Variants in APC observed in about 807,000 individuals in gnomAD.
APC encodes adenomatous polyposis coli protein.
APC carries 72 observed loss-of-function variants against 247.0 expected under a neutral mutation model. The ratio of observed to expected loss-of-function variants is 0.29; its 90% confidence interval spans 0.24 to 0.35. The LOEUF is 0.35. APC is among the 10% of genes least tolerant of loss of function. APC has a pLI of 1.00. For synonymous variants in APC, 1,254 were observed against 1,162.5 expected (o/e 1.08, Z -1.60); for missense variants, 3,400 against 3,360.7 (o/e 1.01, Z -0.29).
At chr5:112,768,585 A>G (rs73218111) in intron 4 of APC, among the ~76,000 whole-genome samples, 4,091 of 151,360 alleles carry the variant, frequency 0.027, 219 homozygotes, top group African/African-American at 0.094. Context: ...GTTTCTACAC[A>G]TATAATTTAT....
In APC at chr5:112,831,840, T is replaced by C. The variant is rs139681726; in HGVS notation, c.1743+2868T>C. ...TGTGGCTTCTATTACAGTGTTTCTC[T>C]TTTCCAGTAACAACCAAAACCCTGA... On this transcript the variant is annotated intron_variant, in intron 14 of 15. Coordinates refer to ENST00000257430, the MANE Select transcript of APC (RefSeq NM_000038.6). Among the ~76,000 whole-genome samples the C allele has an allele frequency of 8.2e-3, 1,248 of 152,354 alleles. 19 individuals are homozygous for C. Among genetic ancestry groups the C allele is most frequent in the African/African-American group, 0.028 (1,185 of 41,580 alleles).
intron 7 of APC, among the ~76,000 whole-genome samples, chr5:112,797,281 GGTTT>G (rs1336179303): frequency 6.6e-6 from 1 of 152,084 alleles, no homozygotes; most frequent in Admixed American, 6.6e-5. Context: ...TGCCGTTTGT[GGTTT>G]GTTTATTGCA....
At chr5:112,766,242 G>A (rs573838117) in intron 2 of APC, 84 bp from the exon 3 acceptor site, 3 of 983,520 alleles carry the variant, frequency 3.1e-6, no homozygotes, top group South Asian at 2.6e-5. Flanking sequence ...TTTTTTCTCA[G>A]CATACTTAAA....
intron 6 of APC, among the ~76,000 whole-genome samples, chr5:112,782,624 C>T (rs1758472839): frequency 1.3e-5 from 2 of 152,178 alleles, no homozygotes; most frequent in Admixed American, 1.3e-4. Flanking sequence ...TTGCCCCTAT[C>T]CCAGTCAGAA....
intron 1 of APC, among the ~76,000 whole-genome samples, chr5:112,750,267 G>A (rs1222765265): frequency 6.6e-6 from 1 of 152,042 alleles, no homozygotes; most frequent in Non-Finnish European, 1.5e-5. Context: ...CCTGGCCAAT[G>A]CTTTGCTTTT....
At chr5:112,783,742 A>G in intron 6 of APC, 1 of 321,288 alleles carries the variant, frequency 3.1e-6, no homozygotes, top group South Asian at 2.5e-5. Flanking sequence ...GGCTGCAGTG[A>G]GCTACAATCT....
In APC at chr5:112,840,301, T is replaced by C. The variant is rs2149921724; in HGVS notation, c.4707T>C (p.Asp1569=). ...SEKDLLDDSD[D]DDIEILEECI... ...AGGACCTATTAGATGATTCAGATGA[T>C]GATGATATTGAAATACTAGAAGAAT... Residue 1569 remains aspartate (D), a synonymous_variant, in exon 16 of 16, where the codon GAT becomes GAC. Coordinates refer to ENST00000257430, the MANE Select transcript of APC (RefSeq NM_000038.6). The surrounding 1 kb of genome is among the most constrained non-coding windows in gnomAD (Gnocchi z 4.1). 1 of 1,614,154 alleles carries C rather than the reference T, an allele frequency of 6.2e-7. No homozygotes were observed. Among genetic ancestry groups the C allele is most frequent in the Non-Finnish European group, 8.5e-7 (1 of 1,180,000 alleles).
intron 15 of APC, among the ~76,000 whole-genome samples, chr5:112,835,545 AATG>A (rs1764796037): frequency 1.3e-5 from 2 of 151,614 alleles, no homozygotes; most frequent in South Asian, 4.2e-4. Context: ...ACATTTTTCT[AATG>A]ATGTCTTAGT....
rs185342287 is a variant in APC at position 112,846,044 on chromosome 5, G to C, written c.*1918G>C. 118 of 232,096 alleles carry C rather than the reference G, an allele frequency of 5.1e-4. No homozygotes were observed. Among genetic ancestry groups the C allele is most frequent in the Non-Finnish European group, 8.4e-4 (99 of 117,390 alleles). The allele number at this position is 232,096 out of a possible 1,614,324, so 14.4% of individuals were successfully genotyped here. A position where few individuals can be genotyped will look rare whatever the true frequency, so the allele number is the denominator to read the frequency against. ...AAAGCTAAAATGCCAGTAAATAAAA[G>C]TGCTATGACTTGAGCTAAGATATTT... On this transcript the variant is annotated 3_prime_UTR_variant, in exon 16 of 16. Transcript: ENST00000257430.
chr5:112,793,252 G>A (rs1171690816), intron 7 of APC, among the ~76,000 whole-genome samples: 1 of 152,078 alleles, frequency 6.6e-6, no homozygotes, highest in Non-Finnish European at 1.5e-5. Flanking sequence ...AGGGTCTTTG[G>A]TTAGGGGTCA....
chr5:112,806,513 A>G (rs1200817769), intron 8 of APC, among the ~76,000 whole-genome samples: 1 of 152,156 alleles, frequency 6.6e-6, no homozygotes, highest in Non-Finnish European at 1.5e-5. Context: ...TGCTTAGCAT[A>G]TAACTATGTG....
chr5:112,808,326 A>G lies in APC; in HGVS notation c.834+6943A>G, dbSNP rs2431241. Reference sequence around the variant, plus strand: ...TTGCCTCAGGGTCCAGATAAGGTCCATGAATAGGAATTAGTATATCTCTGA... The same window carrying G: ...TTGCCTCAGGGTCCAGATAAGGTCCGTGAATAGGAATTAGTATATCTCTGA... On this transcript the variant is annotated intron_variant, in intron 8 of 15. Coordinates refer to ENST00000257430, the MANE Select transcript of APC (RefSeq NM_000038.6). 0.4 allele frequency among the ~76,000 whole-genome samples: 60,219 copies of G among 152,140 alleles called. 14,429 individuals carry two copies. Among genetic ancestry groups the G allele is most frequent in the East Asian group, 0.71 (3,652 of 5,178 alleles).
intron 5 of APC, chr5:112,777,783 A>G: frequency 7.8e-6 from 2 of 256,456 alleles, no homozygotes; most frequent in South Asian, 1.3e-4. Flanking sequence ...GAGAAACAGC[A>G]GTTCTCCACT....
chr5:112,813,577 C>T (rs1000882281), intron 8 of APC, among the ~76,000 whole-genome samples: 1 of 152,060 alleles, frequency 6.6e-6, no homozygotes, highest in African/African-American at 2.4e-5. Flanking sequence ...TGGAAGTTAT[C>T]TGGCAAACAG....
chr5:112,841,197 A>G lies in APC; in HGVS notation c.5603A>G (p.Asp1868Gly), dbSNP rs781026376. 5 of 1,613,766 alleles carry G rather than the reference A, an allele frequency of 3.1e-6. No homozygotes were observed. The highest frequency in any genetic ancestry group is 4.2e-6 in the Non-Finnish European group (5 of 1,179,726). Residue 1868 changes from aspartate (D) to glycine (G), a missense_variant, in exon 16 of 16, where the codon GAT (aspartate) becomes GGT (glycine). Coordinates refer to ENST00000257430, the MANE Select transcript of APC (RefSeq NM_000038.6). This position sits in a 1 kb window ranked among gnomAD's most constrained non-coding sequence, Gnocchi z 4.6. ...RNDSLSSLDF[D>G]DDDVDLSREK... ...GATTCTTTGAGTTCTCTAGATTTTG[A>G]TGATGATGATGTTGACCTTTCCAGG...
chr5:112,827,387 G>A (rs980170360), intron 12 of APC, 140 bp downstream of exon 12: 34 of 976,880 alleles, frequency 3.5e-5, no homozygotes, highest in South Asian at 2.8e-4. Flanking sequence ...CTTCACATTC[G>A]CTTATCTTTA....
chr5:112,742,959 C>A (rs574235328), intron 1 of APC, among the ~76,000 whole-genome samples: 1 of 152,310 alleles, frequency 6.6e-6, no homozygotes, highest in Non-Finnish European at 1.5e-5. Context: ...TTAACACAAA[C>A]TTAGTGGTTT....
chr5:112,835,223 C>G (rs1764754974), intron 15 of APC, 58 bp downstream of exon 15: 1 of 1,425,468 alleles, frequency 7.0e-7, no homozygotes, highest in Non-Finnish European at 9.7e-7. Context: ...TCAAAAAGAC[C>G]TAATTGTAAG....
chr5:112,793,872 A>G (rs1420929780), intron 7 of APC, among the ~76,000 whole-genome samples: 2 of 152,198 alleles, frequency 1.3e-5, no homozygotes, highest in Non-Finnish European at 2.9e-5. Context: ...ACTGGGGATA[A>G]AAAGAATATT....
Sources: gnomAD v4.1 joint callset for allele counts (sites outside exome capture counted in the v4.1 genomes callset) on GRCh38, gnomAD v4.1.1 for gene constraint, Gnocchi (gnomAD v3.1) non-coding constraint, MANE v1.5 for transcripts, NCBI Gene and HGNC (gene_info 2026-07-23, HGNC 2026-07-21) for gene names.